ADCY2: variants seen among roughly 807,000 people sequenced by gnomAD.
The protein encoded by ADCY2 is adenylate cyclase type 2.
Under a neutral mutation model 125.2 loss-of-function variants are expected in ADCY2, and 31 were observed. That is an observed-to-expected ratio of 0.25 (90% CI 0.19 to 0.33). ADCY2 has a LOEUF of 0.33. Among genes scored for constraint, ADCY2 ranks in the 10% least tolerant of loss-of-function variants. ADCY2 has a pLI of 1.00. For missense variants in ADCY2, 904 were observed against 1,418.2 expected (o/e 0.64, Z 5.82); for synonymous variants, 512 against 548.4 (o/e 0.93, Z 0.93).
At position 7,802,468 on chromosome 5, in the gene ADCY2, C is replaced by T. The variant is rs750172899; in HGVS notation, c.2775+104C>T. ...GTGGCCTATCCCAAAAAAACTTGTC[C>T]TTTGGCATAATTTCTGGCAGATGGC... On this transcript the variant is annotated intron_variant, in intron 21 of 24. Coordinates refer to ENST00000338316, the MANE Select transcript of ADCY2 (RefSeq NM_020546.3). This position sits in a 1 kb window ranked among gnomAD's most constrained non-coding sequence, Gnocchi z 4.6. The T allele has an allele frequency of 7.5e-7, 1 of 1,339,994 alleles. No homozygotes were observed. Among genetic ancestry groups the T allele is most frequent in the African/African-American group, 1.5e-5 (1 of 68,112 alleles). 83.0% of individuals were successfully genotyped at this position (1,339,994 alleles called of 1,614,324 possible). A position where few individuals can be genotyped will look rare whatever the true frequency, so the allele number is the denominator to read the frequency against.
At chr5:7,669,438 T>C (rs1257640113) in intron 4 of ADCY2, among the ~76,000 whole-genome samples, 2 of 152,098 alleles carry the variant, frequency 1.3e-5, no homozygotes, top group African/African-American at 2.4e-5. Context: ...TCTGGGTGCA[T>C]TGGGATCACA....
intron 4 of ADCY2, among the ~76,000 whole-genome samples, chr5:7,664,537 C>G (rs1192113271): frequency 6.6e-6 from 1 of 152,192 alleles, no homozygotes; most frequent in African/African-American, 2.4e-5. Flanking sequence ...TCATGCCCTA[C>G]AAACCATACA....
At chr5:7,770,273 C>G (rs1743514518) in intron 17 of ADCY2, among the ~76,000 whole-genome samples, 1 of 152,168 alleles carries the variant, frequency 6.6e-6, no homozygotes, top group Admixed American at 6.5e-5. Flanking sequence ...ACACCTAGTT[C>G]AAAGGTTCAA....
At chr5:7,585,737 A>C (rs1412951192) in intron 3 of ADCY2, among the ~76,000 whole-genome samples, 1 of 152,236 alleles carries the variant, frequency 6.6e-6, no homozygotes, top group South Asian at 2.1e-4. Context: ...TTCAGCATTT[A>C]GGATTATGGC....
chr5:7,721,160 T>C (rs999572529), intron 12 of ADCY2, among the ~76,000 whole-genome samples: 1 of 152,212 alleles, frequency 6.6e-6, no homozygotes, highest in Non-Finnish European at 1.5e-5. Context: ...ATGATGAGCA[T>C]TTTTTCATGT....
chr5:7,782,961 G>T (rs142981208), intron 18 of ADCY2, among the ~76,000 whole-genome samples: 1 of 152,272 alleles, frequency 6.6e-6, no homozygotes, highest in East Asian at 1.9e-4. Context: ...GAGAGAAATG[G>T]TGACCTCCTT....
chr5:7,788,414 A>T (rs1349646552), intron 19 of ADCY2, among the ~76,000 whole-genome samples: 1 of 152,190 alleles, frequency 6.6e-6, no homozygotes, highest in Non-Finnish European at 1.5e-5. Flanking sequence ...TGCTGACCTC[A>T]AGTGACCCAC....
chr5:7,551,490 C>T (rs906298597), intron 3 of ADCY2, among the ~76,000 whole-genome samples: 1 of 152,144 alleles, frequency 6.6e-6, no homozygotes, highest in Non-Finnish European at 1.5e-5. Context: ...TAGACACAGG[C>T]TTCCATATAA....
At chr5:7,397,445 G>GTTTTTTTT (rs767411861) in intron 1 of ADCY2, among the ~76,000 whole-genome samples, 2 of 70,106 alleles carry the variant, frequency 2.9e-5, no homozygotes, top group Admixed American at 2.0e-4. Context: ...CCACCAGTGA[G>GTTTTTTTT]TTTTTTTTTT....
chr5:7,428,841 A>AGGATTGCTCCAGTTTCCTTTCT (rs1467043223), intron 2 of ADCY2, among the ~76,000 whole-genome samples: 1 of 152,220 alleles, frequency 6.6e-6, no homozygotes, highest in Non-Finnish European at 1.5e-5. Flanking sequence ...AGTGAACTCT[A>AGGATTGCTCCAGTTTCCTTTCT]GGATTGCTCC....
chr5:7,412,307 A>C (rs1240949514), intron 1 of ADCY2, among the ~76,000 whole-genome samples: 1 of 152,200 alleles, frequency 6.6e-6, no homozygotes, highest in African/African-American at 2.4e-5. Flanking sequence ...CTGGAAAAAA[A>C]AGTCATACTA....
At chr5:7,721,870 G>C (rs1579355859) in intron 12 of ADCY2, among the ~76,000 whole-genome samples, 2 of 152,098 alleles carry the variant, frequency 1.3e-5, no homozygotes, top group Admixed American at 6.6e-5. Flanking sequence ...TTCTATACGG[G>C]AAAATCTTCA....
intron 3 of ADCY2, among the ~76,000 whole-genome samples, chr5:7,606,207 T>G (rs536947129): frequency 9.3e-4 from 141 of 152,304 alleles, no homozygotes; most frequent in African/African-American, 3.1e-3. Context: ...GCCAGACACT[T>G]AAGATATATG....
chr5:7,661,736 T>A (rs1264072014), intron 4 of ADCY2, among the ~76,000 whole-genome samples: 1 of 152,180 alleles, frequency 6.6e-6, no homozygotes, highest in Non-Finnish European at 1.5e-5. Flanking sequence ...GTTCTTGAAA[T>A]TCAACCAAAA....
intron 3 of ADCY2, among the ~76,000 whole-genome samples, chr5:7,521,762 G>A (rs945744375): frequency 6.6e-6 from 1 of 152,164 alleles, no homozygotes; most frequent in Non-Finnish European, 1.5e-5. Context: ...GGAAGTGAAG[G>A]CTCACTCTTG....
intron 4 of ADCY2, among the ~76,000 whole-genome samples, chr5:7,636,469 G>T (rs1262864251): frequency 6.6e-6 from 1 of 152,186 alleles, no homozygotes; most frequent in Non-Finnish European, 1.5e-5. Flanking sequence ...GGATTAGTAG[G>T]GTGTATCCAG....
chr5:7,751,971 C>G (rs1464770920), intron 15 of ADCY2, among the ~76,000 whole-genome samples: 3 of 152,126 alleles, frequency 2.0e-5, no homozygotes, highest in Non-Finnish European at 4.4e-5. Flanking sequence ...TACCATTTAA[C>G]AAACACTATA....
intron 22 of ADCY2, among the ~76,000 whole-genome samples, chr5:7,813,451 A>T (rs531306246): frequency 1.3e-5 from 2 of 152,238 alleles, no homozygotes. Flanking sequence ...TGAAACTTCC[A>T]AAACAACCAG....
chr5:7,619,142 G>T (rs1737866472), intron 3 of ADCY2, among the ~76,000 whole-genome samples: 1 of 152,230 alleles, frequency 6.6e-6, no homozygotes, highest in Non-Finnish European at 1.5e-5. Context: ...ATAGGTATCA[G>T]TGGCGATGTA....
Sources: gnomAD v4.1 joint callset for allele counts (sites outside exome capture counted in the v4.1 genomes callset) on GRCh38, gnomAD v4.1.1 for gene constraint, Gnocchi (gnomAD v3.1) non-coding constraint, MANE v1.5 for transcripts, NCBI Gene and HGNC (gene_info 2026-07-23, HGNC 2026-07-21) for gene names.